Variants in DIPK1C observed in about 807,000 individuals in gnomAD.
The protein encoded by DIPK1C is familial non-conventional Alzheimer's dementia.
In DIPK1C, 33 loss-of-function variants were observed where a neutral mutation model predicts 28.0. That is an observed-to-expected ratio of 1.18 (90% CI 0.89 to 1.58). The LOEUF (loss-of-function observed/expected upper bound fraction) is 1.58. DIPK1C is among the 40% of genes most tolerant of loss of function. DIPK1C has a pLI of 0.00. For synonymous variants in DIPK1C, 255 were observed against 248.8 expected (o/e 1.02, Z -0.23); for missense variants, 569 against 568.5 (o/e 1.00, Z -0.01).
chr18:74,458,086 A>G (rs1256948769), upstream of DIPK1C: 2 of 152,246 alleles, frequency 1.3e-5, no homozygotes, highest in Non-Finnish European at 2.9e-5. Flanking sequence ...TCCCATCCCA[A>G]TTGTTCTGTA....
chr18:74,444,573 T>A (rs534549981), intron 2 of DIPK1C, among the ~76,000 whole-genome samples: 1 of 152,326 alleles, frequency 6.6e-6, no homozygotes, highest in Non-Finnish European at 1.5e-5. Flanking sequence ...ATTCAATAGG[T>A]CTGGCGTGGC....
At chr18:74,462,033 A>T (rs1986625456), upstream of DIPK1C, among the ~76,000 whole-genome samples, 1 of 152,240 alleles carries the variant, frequency 6.6e-6, no homozygotes, top group Admixed American at 6.5e-5. Flanking sequence ...AAGTGCTAGG[A>T]TTACAGGCAT....
intron 2 of DIPK1C, among the ~76,000 whole-genome samples, chr18:74,446,302 C>T (rs1986258461): frequency 6.6e-6 from 1 of 152,200 alleles, no homozygotes; most frequent in Non-Finnish European, 1.5e-5. Context: ...GTTGCTGTTA[C>T]GTGAGCTCAA....
chr18:74,462,518 G>A (rs1379735334), upstream of DIPK1C, among the ~76,000 whole-genome samples: 1 of 152,010 alleles, frequency 6.6e-6, no homozygotes, highest in Non-Finnish European at 1.5e-5. Flanking sequence ...CTACTTTTTG[G>A]CTATTGTACA....
At chr18:74,458,825 T>G (rs1203045147), upstream of DIPK1C, among the ~76,000 whole-genome samples, 6 of 152,152 alleles carry the variant, frequency 3.9e-5, no homozygotes, top group African/African-American at 1.4e-4. Context: ...AGTAAAATAC[T>G]GCATTAAACT....
intron 1 of DIPK1C, among the ~76,000 whole-genome samples, chr18:74,448,717 G>A (rs1376809715): frequency 6.6e-6 from 1 of 152,144 alleles, no homozygotes; most frequent in African/African-American, 2.4e-5. Flanking sequence ...GCCCAGCCTC[G>A]CAGGTGGCTA....
Position 74,446,817 on chromosome 18 carries a change from A to T in DIPK1C, c.665T>A (p.Val222Glu). ...VLGSCGHFYA[V>E]EFLAAGSPHH... is the part of the protein sequence containing the mutation. ...GGGGCTGCCCGCGGCCAGGAACTCC[A>T]CCGCGTAGAAGTGGCCGCAGGAACC... The change falls in exon 2 of 4, where the codon GTG becomes GAG. Residue 222 changes from valine (V) to glutamate (E), a missense_variant. Coordinates refer to ENST00000343998, the MANE Select transcript of DIPK1C (RefSeq NM_001044369.3). 1 of 1,490,496 alleles carries T rather than the reference A, an allele frequency of 6.7e-7. No homozygotes were observed. Among genetic ancestry groups the T allele is most frequent in the East Asian group, 2.5e-5 (1 of 40,202 alleles). The allele number at this position is 1,490,496 out of a possible 1,614,324, so 92.3% of individuals were successfully genotyped here.
chr18:74,447,408 G>T lies in DIPK1C; in HGVS notation c.199-125C>A. Reference sequence around the variant, plus strand: ...GACGCTGATAATCCAGCTGTGCAGAGAAACCTCAGCCCTGTGGATCTCAGA... The same window carrying T: ...GACGCTGATAATCCAGCTGTGCAGATAAACCTCAGCCCTGTGGATCTCAGA... On this transcript the variant is annotated intron_variant, in intron 1 of 3. Coordinates refer to ENST00000343998, the MANE Select transcript of DIPK1C (RefSeq NM_001044369.3). The surrounding 1 kb of genome is among the most constrained non-coding windows in gnomAD (Gnocchi z 4.1). The T allele has an allele frequency of 1.0e-6, 1 of 999,278 alleles. No individual in the cohort carries two copies. Among genetic ancestry groups the T allele is most frequent in the Non-Finnish European group, 1.4e-6 (1 of 703,564 alleles). 61.9% of individuals were successfully genotyped at this position (999,278 alleles called of 1,614,324 possible).
rs572436317 is a variant in DIPK1C at position 74,446,963 on chromosome 18, C to T, written c.519G>A (p.Pro173=). 75 of 1,508,038 alleles carry T rather than the reference C, an allele frequency of 5.0e-5. No individual in the cohort carries two copies. In the Middle Eastern group the frequency reaches 5.2e-4, roughly 10 times the overall value. The allele number at this position is 1,508,038 out of a possible 1,614,324, so 93.4% of individuals were successfully genotyped here. ...CCCGCCAGCGTGGGCCCCGCCTGCCCGGCCACCACGGCCCCAGGCTGCTGT... is the reference window on the plus strand; with the variant it reads ...CCCGCCAGCGTGGGCCCCGCCTGCCTGGCCACCACGGCCCCAGGCTGCTGT... The part of the protein sequence containing the change: ...LSNSSLGPWW[P]GRRGPRWRGQ... The change falls in exon 2 of 4, where the codon CCG becomes CCA. Residue 173 remains proline (P), a synonymous_variant. Coordinates refer to ENST00000343998, the MANE Select transcript of DIPK1C (RefSeq NM_001044369.3).
Position 74,452,041 on chromosome 18 carries a change from A to G in DIPK1C, c.199-4758T>C, listed in dbSNP as rs577787247. On this transcript the variant is annotated intron_variant, in intron 1 of 3. Transcript: ENST00000343998. Reference sequence around the variant, plus strand: ...ATCTCATACAAAGCCTATGTAAAATAAAGTGTTGACTATCTCACGTAATTT... The same window carrying G: ...ATCTCATACAAAGCCTATGTAAAATGAAGTGTTGACTATCTCACGTAATTT... Among the ~76,000 whole-genome samples, 7 of 152,238 alleles carry G rather than the reference A, an allele frequency of 4.6e-5. No homozygotes were observed. The South Asian group carries it at 1.4e-3, about 31-fold the overall frequency.
At chr18:74,446,418 T>G (rs934752271) in intron 2 of DIPK1C, among the ~76,000 whole-genome samples, 188 bp downstream of exon 2, 2 of 152,156 alleles carry the variant, frequency 1.3e-5, no homozygotes. Flanking sequence ...AGATTCTCAC[T>G]GGAGATGCAT....
chr18:74,446,687 G>C lies in DIPK1C; in HGVS notation c.795C>G (p.Asn265Lys). ...GGTGGGAAAAGTCACTGTCAAAATG[G>C]TTCACCATGTCCAAGAAGCTGAGTG... ...DIALSFLDMV[N>K]HFDSDFSHRL... is the part of the protein sequence containing the mutation. Residue 265 changes from asparagine (N) to lysine (K), a missense_variant, in exon 2 of 4, where the codon AAC becomes AAG. Coordinates refer to ENST00000343998, the MANE Select transcript of DIPK1C (RefSeq NM_001044369.3). 2.6e-6 allele frequency: 4 copies of C among 1,533,910 alleles called. No individual in the cohort carries two copies. Among genetic ancestry groups the C allele is most frequent in the African/African-American group, 1.4e-5 (1 of 72,528 alleles).
Position 74,447,224 on chromosome 18 carries a change from C to G in DIPK1C, c.258G>C (p.Ala86=), listed in dbSNP as rs9958963. 8,148 of 1,549,778 alleles carry G rather than the reference C, an allele frequency of 5.3e-3. 347 individuals are homozygous for G. In the African/African-American group the frequency reaches 0.095, roughly 18 times the overall value. The change falls in exon 2 of 4, where the codon GCG becomes GCC. Residue 86 remains alanine, a synonymous_variant. Coordinates refer to ENST00000343998, the MANE Select transcript of DIPK1C (RefSeq NM_001044369.3). The surrounding 1 kb of genome is among the most constrained non-coding windows in gnomAD (Gnocchi z 4.1). ...AGDLCEDLCV[A]GELLFQRCLH... is the part of the protein sequence containing the mutation. ...GGCAGCGTTGGAACAGCAGCTCTCC[C>G]GCCACACACAGGTCCTCGCAGAGGT...
chr18:74,457,157 A>G lies in DIPK1C; in HGVS notation c.103T>C (p.Trp35Arg). The G allele has an allele frequency of 7.2e-7, 1 of 1,392,844 alleles. No homozygotes were observed. The highest frequency in any genetic ancestry group is 9.3e-7 in the Non-Finnish European group (1 of 1,076,874). 86.3% of individuals were successfully genotyped at this position (1,392,844 alleles called of 1,614,324 possible). A position where few individuals can be genotyped will look rare whatever the true frequency, so the allele number is the denominator to read the frequency against. ...AGCAGCAGCGCGGCCGCCAGCACCC[A>G]GCCCGCGGTCCACGCGGCGAAGGCG... ...LLAFAAWTAG[W>R]VLAAALLLRA... Residue 35 changes from tryptophan (W) to arginine (R), a missense_variant, in exon 1 of 4, where the codon TGG becomes CGG. Transcript: ENST00000343998.
Position 74,446,985 on chromosome 18 carries a change from C to T in DIPK1C, c.497G>A (p.Ser166Asn). 1 of 1,523,764 alleles carries T rather than the reference C, an allele frequency of 6.6e-7. No individual in the cohort carries two copies. The highest frequency in any genetic ancestry group is 8.8e-7 in the Non-Finnish European group (1 of 1,130,338). The allele number at this position is 1,523,764 out of a possible 1,614,324, so 94.4% of individuals were successfully genotyped here. The stretch of plus-strand genomic sequence containing the variant: ...GCCCGGCCACCACGGCCCCAGGCTG[C>T]TGTTGGACAACTCCAGGCCCAGAGC... ...KSALGLELSN[S>N]SLGPWWPGRR... Residue 166 changes from serine to asparagine, a missense_variant, in exon 2 of 4, where the codon AGC becomes AAC. Transcript: ENST00000343998.
chr18:74,459,094 C>A (rs1033384906), upstream of DIPK1C, among the ~76,000 whole-genome samples: 3 of 152,248 alleles, frequency 2.0e-5, no homozygotes, highest in Admixed American at 6.5e-5. Context: ...CAGAACGAGA[C>A]CCTGTACCTA....
chr18:74,445,782 A>G (rs1353524007), intron 2 of DIPK1C, among the ~76,000 whole-genome samples: 2 of 152,146 alleles, frequency 1.3e-5, no homozygotes, highest in South Asian at 4.1e-4. Flanking sequence ...CCCCAAACCC[A>G]TCCCGCACCC....
At chr18:74,463,580 G>A in the DIPK1C span, among the ~76,000 whole-genome samples, 15 of 152,024 alleles carry the variant, frequency 9.9e-5, no homozygotes, top group African/African-American at 1.9e-4. Flanking sequence ...ACTCCTTCCC[G>A]CCCTCACCCC....
chr18:74,445,765 C>G (rs999512136), intron 2 of DIPK1C, among the ~76,000 whole-genome samples: 2 of 152,192 alleles, frequency 1.3e-5, no homozygotes, highest in Non-Finnish European at 2.9e-5. Flanking sequence ...GCAGAGCACT[C>G]CGCCCTCCCC....
Sources: gnomAD v4.1 joint callset for allele counts (sites outside exome capture counted in the v4.1 genomes callset) on GRCh38, gnomAD v4.1.1 for gene constraint, Gnocchi (gnomAD v3.1) non-coding constraint, MANE v1.5 for transcripts, NCBI Gene and HGNC (gene_info 2026-07-23, HGNC 2026-07-21) for gene names.